Variants in TRDN observed in about 807,000 individuals in gnomAD.
The protein encoded by TRDN is triadin, also known as triadin in skeletal muscle.
TRDN carries 161 observed loss-of-function variants against 149.7 expected under a neutral mutation model. That is an observed-to-expected ratio of 1.08 (90% CI 0.95 to 1.23). The LOEUF (loss-of-function observed/expected upper bound fraction) is 1.23. Among genes scored for constraint, TRDN ranks in the 50% most tolerant of loss-of-function variants. The probability of loss-of-function intolerance (pLI) is 0.00; values close to 1 mark genes in which losing one functional copy is unlikely to be tolerated. For missense variants in TRDN, 896 were observed against 823.5 expected, an observed-to-expected ratio of 1.09 and a Z score of -1.08; for synonymous variants, 294 against 250.5, an observed-to-expected ratio of 1.17 and a Z score of -1.64.
At chr6:123,264,006 A>G (rs1776855740) in intron 33 of TRDN, among the ~76,000 whole-genome samples, 1 of 152,048 alleles carries the variant, frequency 6.6e-6, no homozygotes, top group African/African-American at 2.4e-5. Flanking sequence ...GCACCTGGTC[A>G]CTCAAGAGCT....
intron 1 of TRDN, among the ~76,000 whole-genome samples, chr6:123,576,097 T>C (rs1782840934): frequency 6.6e-6 from 1 of 152,136 alleles, no homozygotes; most frequent in Non-Finnish European, 1.5e-5. Context: ...ACTGATGGCA[T>C]TATATGTGTT....
chr6:123,491,014 G>A (rs188181219), intron 9 of TRDN, among the ~76,000 whole-genome samples: 2 of 152,090 alleles, frequency 1.3e-5, no homozygotes, highest in East Asian at 1.9e-4. Context: ...GCTGAGGCAG[G>A]AGAATTGCTT....
At chr6:123,366,789 A>AT (rs1781119320) in intron 19 of TRDN, among the ~76,000 whole-genome samples, 1 of 152,200 alleles carries the variant, frequency 6.6e-6, no homozygotes, top group African/African-American at 2.4e-5. Flanking sequence ...AAGTGCTGGG[A>AT]TTACAGGCAT....
intron 9 of TRDN, among the ~76,000 whole-genome samples, chr6:123,495,814 A>G (rs1362828217): frequency 6.6e-6 from 1 of 151,990 alleles, no homozygotes; most frequent in African/African-American, 2.4e-5. Flanking sequence ...ATTTGTCAAC[A>G]ATGCAAGGTT....
intron 1 of TRDN, among the ~76,000 whole-genome samples, chr6:123,633,946 G>A (rs1786150524): frequency 6.6e-6 from 1 of 151,996 alleles, no homozygotes; most frequent in Non-Finnish European, 1.5e-5. Context: ...ATCTGTATGA[G>A]CCTTGTCTTC....
chr6:123,565,478 G>C (rs1208803084), intron 2 of TRDN, among the ~76,000 whole-genome samples: 1 of 152,196 alleles, frequency 6.6e-6, no homozygotes, highest in East Asian at 1.9e-4. Flanking sequence ...TCAGCTGTTA[G>C]ATGATATTGT....
rs1198136075 is a variant in TRDN, at chr6:123,497,245, A to T, written c.801T>A (p.Tyr267Ter). ...TGTCAATCATATATCGACAGAATGC[A>T]TACTGATCTGACAGAGTAGAAAGAA... ...AVSKHEQKDQ[Y>*]AFCRYMIDIF... The change falls in exon 9 of 41, where the codon TAT becomes TAA. Residue 267 changes from tyrosine to a stop codon, truncating the protein, a stop_gained. Coordinates refer to ENST00000334268, the MANE Select transcript of TRDN (RefSeq NM_006073.4). LOFTEE classifies it high-confidence loss of function. The T allele has an allele frequency of 1.9e-6, 3 of 1,544,040 alleles. No individual in the cohort carries two copies. In the South Asian group the frequency reaches 3.7e-5, roughly 19 times the overall value.
At chr6:123,579,876 C>G (rs1482804057) in intron 1 of TRDN, among the ~76,000 whole-genome samples, 2 of 152,042 alleles carry the variant, frequency 1.3e-5, no homozygotes, top group Non-Finnish European at 2.9e-5. Flanking sequence ...CTCCCTCACT[C>G]AGCACTTCTC....
intron 12 of TRDN, among the ~76,000 whole-genome samples, chr6:123,406,467 C>T (rs1773193909): frequency 6.6e-6 from 1 of 152,018 alleles, no homozygotes; most frequent in Admixed American, 6.6e-5. Context: ...ACAAGAATTA[C>T]CACTTCTCTT....
At chr6:123,351,269 C>A (rs972178991) in intron 21 of TRDN, 1 of 963,972 alleles carries the variant, frequency 1.0e-6, no homozygotes, top group African/African-American at 1.8e-5. Context: ...TTTTCATATC[C>A]TTTCACATAT....
intron 38 of TRDN, among the ~76,000 whole-genome samples, chr6:123,237,089 G>T (rs1188260486): frequency 2.0e-5 from 3 of 151,894 alleles, no homozygotes; most frequent in Admixed American, 2.0e-4. Flanking sequence ...TCATCACCTT[G>T]TGGTTTTCAA....
At chr6:123,595,099 G>A (rs1487428233) in intron 1 of TRDN, among the ~76,000 whole-genome samples, 1 of 151,996 alleles carries the variant, frequency 6.6e-6, no homozygotes, top group Non-Finnish European at 1.5e-5. Flanking sequence ...TAGCAAAATA[G>A]CAACATTTCC....
chr6:123,471,764 A>G (rs867530328), intron 9 of TRDN: 13 of 152,240 alleles, frequency 8.5e-5, no homozygotes, highest in Admixed American at 3.3e-4. Context: ...AGGTAATATT[A>G]GTGTTTTTTT....
intron 38 of TRDN, among the ~76,000 whole-genome samples, chr6:123,231,485 A>C (rs757040175): frequency 6.6e-6 from 1 of 152,036 alleles, no homozygotes; most frequent in Non-Finnish European, 1.5e-5. Flanking sequence ...CAGCAGTATT[A>C]GGAATATAGA....
chr6:123,502,354 A>T (rs1166442980), intron 8 of TRDN: 1 of 731,042 alleles, frequency 1.4e-6, no homozygotes, highest in Non-Finnish European at 1.7e-6. Flanking sequence ...TCATGGTGAT[A>T]TAATCACCTT....
intron 21 of TRDN, chr6:123,351,870 C>T (rs1278350536): frequency 3.5e-5 from 34 of 984,592 alleles, no homozygotes; most frequent in Non-Finnish European, 4.1e-5. Flanking sequence ...CACTTGAGCT[C>T]TAAGAGAAGC....
intron 24 of TRDN, among the ~76,000 whole-genome samples, chr6:123,310,976 G>C (rs1778795022): frequency 6.6e-6 from 1 of 151,924 alleles, no homozygotes; most frequent in Admixed American, 6.6e-5. Flanking sequence ...AACCCCCAAG[G>C]ACTGAAGGGA....
At chr6:123,351,051 T>TA (rs1780444263) in intron 21 of TRDN, 1 of 891,966 alleles carries the variant, frequency 1.1e-6, no homozygotes, top group Non-Finnish European at 1.3e-6. Flanking sequence ...GGGTGTTTTA[T>TA]ATCTAGTCAA....
At chr6:123,562,019 A>T (rs551731173) in intron 2 of TRDN, among the ~76,000 whole-genome samples, 22 of 152,258 alleles carry the variant, frequency 1.4e-4, no homozygotes, top group African/African-American at 5.1e-4. Flanking sequence ...TTCCTGCCTT[A>T]ACTGATGACA....
Sources: gnomAD v4.1 joint callset for allele counts (sites outside exome capture counted in the v4.1 genomes callset) on GRCh38, gnomAD v4.1.1 for gene constraint, MANE v1.5 for transcripts, NCBI Gene and HGNC (gene_info 2026-07-23, HGNC 2026-07-21) for gene names.